Variants in ARB2A observed in about 807,000 individuals in gnomAD.
ARB2A encodes cotranscriptional regulator ARB2A.
chr5:93,877,853 A>T, the ARB2A span, among the ~76,000 whole-genome samples: 1 of 152,164 alleles, frequency 6.6e-6, no homozygotes, highest in African/African-American at 2.4e-5. Context: ...GATTCCATAA[A>T]GCACAAAGTT....
the ARB2A span, among the ~76,000 whole-genome samples, chr5:93,716,957 T>C: frequency 6.6e-6 from 1 of 152,162 alleles, no homozygotes; most frequent in Non-Finnish European, 1.5e-5. Context: ...GTGCATAGTA[T>C]AATCAGCCAT....
At chr5:94,094,978 T>C in the ARB2A span, among the ~76,000 whole-genome samples, 1 of 152,190 alleles carries the variant, frequency 6.6e-6, no homozygotes, top group South Asian at 2.1e-4. Flanking sequence ...CCTCTCCCCA[T>C]GACGTCATGA....
the ARB2A span, among the ~76,000 whole-genome samples, chr5:93,681,877 G>C: frequency 6.6e-6 from 1 of 152,138 alleles, no homozygotes; most frequent in Non-Finnish European, 1.5e-5. Flanking sequence ...ACCAAATACA[G>C]AGTGGTTTAC....
At chr5:94,043,414 A>G in the ARB2A span, among the ~76,000 whole-genome samples, 1 of 152,236 alleles carries the variant, frequency 6.6e-6, no homozygotes, top group South Asian at 2.1e-4. Flanking sequence ...TTTCTCCAAA[A>G]TTTGGAAACT....
At chr5:94,107,530 T>TAA in the ARB2A span, among the ~76,000 whole-genome samples, 22 of 130,676 alleles carry the variant, frequency 1.7e-4, no homozygotes, top group East Asian at 1.1e-3. Flanking sequence ...ATTCAATAGT[T>TAA]AAAAAAAAAA....
At chr5:93,924,623 A>T in the ARB2A span, among the ~76,000 whole-genome samples, 1 of 152,192 alleles carries the variant, frequency 6.6e-6, no homozygotes, top group Non-Finnish European at 1.5e-5. Context: ...ATATAGAGAA[A>T]GAAAACCAAG....
the ARB2A span, among the ~76,000 whole-genome samples, chr5:94,045,448 C>T: frequency 1.8e-3 from 273 of 152,208 alleles, no homozygotes; most frequent in African/African-American, 5.6e-3. Context: ...AATTATGCCA[C>T]ATATAGTCTA....
chr5:93,893,333 G>A, the ARB2A span, among the ~76,000 whole-genome samples: 1 of 152,088 alleles, frequency 6.6e-6, no homozygotes, highest in Non-Finnish European at 1.5e-5. Context: ...CAGACCTGAA[G>A]AAAATGTTGC....
the ARB2A span, among the ~76,000 whole-genome samples, chr5:93,954,397 G>T: frequency 6.6e-6 from 1 of 151,954 alleles, no homozygotes; most frequent in Non-Finnish European, 1.5e-5. Flanking sequence ...AGCCCAGGAT[G>T]CATCTAGAAA....
the ARB2A span, among the ~76,000 whole-genome samples, chr5:93,935,654 T>C: frequency 1.3e-5 from 2 of 152,216 alleles, no homozygotes; most frequent in Non-Finnish European, 2.9e-5. Context: ...ATGCATATGT[T>C]CTACTGTTAA....
chr5:93,871,510 G>T, the ARB2A span, among the ~76,000 whole-genome samples: 3 of 152,082 alleles, frequency 2.0e-5, no homozygotes, highest in Non-Finnish European at 4.4e-5. Flanking sequence ...TATTAAAATA[G>T]ACCTTTCTTT....
At chr5:93,769,718 A>G in the ARB2A span, among the ~76,000 whole-genome samples, 185 of 152,286 alleles carry the variant, frequency 1.2e-3, 1 homozygote, top group African/African-American at 4.1e-3. Flanking sequence ...GGAGAACAAG[A>G]TGGTCATGAT....
the ARB2A span, among the ~76,000 whole-genome samples, chr5:93,816,727 C>T: frequency 2.3e-3 from 356 of 152,180 alleles, 3 homozygotes; most frequent in African/African-American, 8.2e-3. Context: ...CAGCAGCCTT[C>T]CAAACAATAG....
the ARB2A span, among the ~76,000 whole-genome samples, chr5:94,056,515 CT>C: frequency 3.0e-4 from 46 of 152,108 alleles, no homozygotes; most frequent in Non-Finnish European, 6.2e-4. Context: ...TTGAAAATCC[CT>C]TCAATAACCT....
At chr5:94,066,959 A>C in the ARB2A span, among the ~76,000 whole-genome samples, 220 of 152,326 alleles carry the variant, frequency 1.4e-3, 1 homozygote, top group African/African-American at 5.0e-3. Context: ...ACAATAAACC[A>C]GATTCAACAG....
At chr5:93,987,616 A>G in the ARB2A span, among the ~76,000 whole-genome samples, 2 of 152,292 alleles carry the variant, frequency 1.3e-5, no homozygotes, top group Non-Finnish European at 2.9e-5. Context: ...CTTGCTCGGC[A>G]TATCTTTGAG....
the ARB2A span, among the ~76,000 whole-genome samples, chr5:93,774,912 G>A: frequency 1.3e-5 from 2 of 152,072 alleles, no homozygotes; most frequent in Non-Finnish European, 2.9e-5. Context: ...TTTCATCTAG[G>A]AGCAATGATT....
chr5:93,897,540 G>C, the ARB2A span, among the ~76,000 whole-genome samples: 2 of 151,934 alleles, frequency 1.3e-5, no homozygotes, highest in Non-Finnish European at 2.9e-5. Flanking sequence ...ATTTGCTAAA[G>C]TACTTTAATT....
At chr5:93,919,832 T>C in the ARB2A span, among the ~76,000 whole-genome samples, 1 of 152,094 alleles carries the variant, frequency 6.6e-6, no homozygotes, top group African/African-American at 2.4e-5. Context: ...TTTTAGAAAG[T>C]TGAATAAAAG....
Sources: allele counts gnomAD v4.1 joint callset (sites outside exome capture counted in the v4.1 genomes callset), GRCh38; gene constraint gnomAD v4.1.1; transcripts MANE v1.5; gene names NCBI Gene and HGNC (gene_info 2026-07-23, HGNC 2026-07-21).